PVT1: variants seen among roughly 807,000 people sequenced by gnomAD.
PVT1 encodes the protein CXCR4/PVT1 fusion.
At chr8:127,900,552 A>G (rs1815746409) in intron 3 of PVT1, among the ~76,000 whole-genome samples, 1 of 152,218 alleles carries the variant, frequency 6.6e-6, no homozygotes, top group African/African-American at 2.4e-5. Flanking sequence ...GGTAGGTGAC[A>G]TAACGTATAA....
intron 6 of PVT1, among the ~76,000 whole-genome samples, chr8:128,100,568 G>A (rs1814491650): frequency 2.0e-5 from 3 of 152,182 alleles, no homozygotes; most frequent in African/African-American, 7.2e-5. Context: ...TCTGACAAAG[G>A]CCTTGAGATG....
intron 5 of PVT1, among the ~76,000 whole-genome samples, chr8:128,094,735 T>C (rs1266188077): frequency 6.6e-6 from 1 of 152,234 alleles, no homozygotes; most frequent in Non-Finnish European, 1.5e-5. Flanking sequence ...AGAGGGCTCT[T>C]TTATTTCAGG....
At chr8:127,852,763 A>G (rs1157051301) in intron 2 of PVT1, among the ~76,000 whole-genome samples, 1 of 152,074 alleles carries the variant, frequency 6.6e-6, no homozygotes, top group African/African-American at 2.4e-5. Flanking sequence ...CTCCCTCTCC[A>G]TCCACACAGC....
chr8:127,834,695 A>C (rs1814889815), intron 2 of PVT1, among the ~76,000 whole-genome samples: 1 of 152,218 alleles, frequency 6.6e-6, no homozygotes, highest in Non-Finnish European at 1.5e-5. Context: ...AATATTCAGA[A>C]TCTACAAAGA....
At chr8:128,006,364 G>A (rs1195316674) in intron 4 of PVT1, among the ~76,000 whole-genome samples, 1 of 152,098 alleles carries the variant, frequency 6.6e-6, no homozygotes, top group African/African-American at 2.4e-5. Context: ...AGAATGAGAT[G>A]CTGTGTCCTT....
At chr8:127,949,386 T>TGTGTGTGTGTGC (rs1450819556) in intron 3 of PVT1, among the ~76,000 whole-genome samples, 3 of 136,644 alleles carry the variant, frequency 2.2e-5, no homozygotes, top group Admixed American at 7.2e-5. Flanking sequence ...GAGCTGTGTG[T>TGTGTGTGTGTGC]GTGTGTGTGT....
intron 5 of PVT1, among the ~76,000 whole-genome samples, chr8:128,077,464 T>C (rs1022643865): frequency 1.3e-5 from 2 of 152,164 alleles, no homozygotes; most frequent in East Asian, 3.9e-4. Flanking sequence ...CACATTTCTT[T>C]TATTTCCCTT....
intron 2 of PVT1, among the ~76,000 whole-genome samples, chr8:127,881,830 T>A (rs999242485): frequency 3.3e-5 from 5 of 151,974 alleles, no homozygotes; most frequent in Non-Finnish European, 5.9e-5. Flanking sequence ...CTCCACTGAC[T>A]TCCTGGACTC....
chr8:128,049,077 G>C (rs1289084836), intron 4 of PVT1: 7 of 491,926 alleles, frequency 1.4e-5, no homozygotes, highest in South Asian at 1.0e-4. Flanking sequence ...AGCAAGGGAT[G>C]ACATTTCTTA....
At chr8:127,846,086 G>T (rs7000024) in intron 2 of PVT1, among the ~76,000 whole-genome samples, 3 of 152,150 alleles carry the variant, frequency 2.0e-5, no homozygotes, top group African/African-American at 7.2e-5. Flanking sequence ...AGCACACATC[G>T]TGGACCCCTC....
At chr8:128,053,716 T>TGGA (rs1813726832) in intron 4 of PVT1, among the ~76,000 whole-genome samples, 1 of 152,202 alleles carries the variant, frequency 6.6e-6, no homozygotes, top group East Asian at 1.9e-4. Flanking sequence ...AGAGGCTCTT[T>TGGA]ACGATGATGC....
intron 3 of PVT1, among the ~76,000 whole-genome samples, chr8:127,934,376 G>A (rs567311584): frequency 1.8e-4 from 27 of 152,338 alleles, no homozygotes; most frequent in Admixed American, 8.5e-4. Context: ...TGACTGGGGT[G>A]GGGACTGCTG....
intron 4 of PVT1, among the ~76,000 whole-genome samples, chr8:128,062,635 T>C (rs1366369681): frequency 6.6e-6 from 1 of 152,204 alleles, no homozygotes; most frequent in Non-Finnish European, 1.5e-5. Flanking sequence ...AAAATATGTA[T>C]TTGCTAGTAA....
At chr8:128,016,289 A>AG (rs1817373311) in intron 4 of PVT1, among the ~76,000 whole-genome samples, 1 of 150,326 alleles carries the variant, frequency 6.7e-6, no homozygotes, top group Non-Finnish European at 1.5e-5. Context: ...AAAAAAAAAA[A>AG]GGGGGCGAGG....
At chr8:127,802,344 G>T (rs536283120) in intron 2 of PVT1, among the ~76,000 whole-genome samples, 3 of 152,150 alleles carry the variant, frequency 2.0e-5, no homozygotes, top group African/African-American at 4.8e-5. Context: ...CTCCTGGGCA[G>T]CTGGGACCAC....
At chr8:128,031,297 C>T (rs1243313015) in intron 4 of PVT1, among the ~76,000 whole-genome samples, 1 of 152,232 alleles carries the variant, frequency 6.6e-6, no homozygotes, top group African/African-American at 2.4e-5. Context: ...GCCCCAGGGG[C>T]TGCTCGCCCA....
At chr8:128,098,641 A>C (rs1336900596) in intron 6 of PVT1, among the ~76,000 whole-genome samples, 1 of 152,188 alleles carries the variant, frequency 6.6e-6, no homozygotes, top group Non-Finnish European at 1.5e-5. Flanking sequence ...ACTACCTGGC[A>C]GCGTGTCTTA....
intron 5 of PVT1, among the ~76,000 whole-genome samples, chr8:128,086,966 G>C (rs1814265968): frequency 6.6e-6 from 1 of 152,232 alleles, no homozygotes; most frequent in Non-Finnish European, 1.5e-5. Flanking sequence ...AAATGTCTTA[G>C]CTTTCCTGAG....
intron 3 of PVT1, among the ~76,000 whole-genome samples, chr8:127,971,287 A>G (rs1278255628): frequency 6.6e-6 from 1 of 152,216 alleles, no homozygotes; most frequent in Non-Finnish European, 1.5e-5. Context: ...ATTCACCTCC[A>G]GGTCTGCCTG....
Sources: allele counts gnomAD v4.1 joint callset (sites outside exome capture counted in the v4.1 genomes callset), GRCh38; gene constraint gnomAD v4.1.1; transcripts MANE v1.5; gene names NCBI Gene and HGNC (gene_info 2026-07-23, HGNC 2026-07-21).